Variants in NPHP4 observed in about 807,000 individuals in gnomAD.
The protein encoded by NPHP4 is nephrocystin-4.
In NPHP4, 151 loss-of-function variants were observed where a neutral mutation model predicts 155.8. The ratio of observed to expected loss-of-function variants is 0.97; its 90% CI spans 0.85 to 1.11. The LOEUF (loss-of-function observed/expected upper bound fraction) is 1.11. Ranked by LOEUF, NPHP4 falls within the 50% of genes least tolerant of loss-of-function variation. The probability of loss-of-function intolerance (pLI) is 0.00; values close to 1 mark genes in which losing one functional copy is unlikely to be tolerated. For missense variants in NPHP4, 1,956 were observed against 1,925.7 expected (o/e 1.02, Z -0.29); for synonymous variants, 845 against 816.8 (o/e 1.03, Z -0.59).
In NPHP4 at chr1:5,865,264, C is replaced by A; in HGVS notation, c.3654G>T (p.Trp1218Cys). 6.4e-7 allele frequency: 1 copy of A among 1,562,118 alleles called. No homozygotes were observed. The highest frequency in any genetic ancestry group is 8.7e-7 in the Non-Finnish European group (1 of 1,146,770). ...GCCACGTCTGTGTGGGTGTCGCCAG[C>A]CAGCGATCCCTGCAGTGGGATGGGA... is the stretch of plus-strand genomic sequence containing the variant. ...DFFVIIYSDR[W>C]LATPTQTWQV... Residue 1218 changes from tryptophan to cysteine, a missense_variant, in exon 27 of 30, where the codon TGG becomes TGT. Trp to Cys is a radical substitution (Grantham distance 215). Coordinates refer to ENST00000378156, the MANE Select transcript of NPHP4 (RefSeq NM_015102.5).
chr1:5,967,078 T>C (rs1005986965), intron 5 of NPHP4, among the ~76,000 whole-genome samples: 1 of 152,186 alleles, frequency 6.6e-6, no homozygotes, highest in African/African-American at 2.4e-5. Context: ...CCCGTGCTCA[T>C]CCCCACAAAC....
chr1:5,991,945 GGGGGC>G (rs1656424267), intron 1 of NPHP4, among the ~76,000 whole-genome samples: 1 of 147,560 alleles, frequency 6.8e-6, no homozygotes, highest in Non-Finnish European at 1.5e-5. Context: ...GCAGGGGGCA[GGGGGC>G]AGGGGGCAAA....
At chr1:5,899,044 A>G (rs1644538684) in intron 16 of NPHP4, among the ~76,000 whole-genome samples, 1 of 152,208 alleles carries the variant, frequency 6.6e-6, no homozygotes. Flanking sequence ...GTGACTGGCG[A>G]GGACATGGCG....
At chr1:5,976,005 G>A (rs1288699935) in intron 3 of NPHP4, among the ~76,000 whole-genome samples, 2 of 152,192 alleles carry the variant, frequency 1.3e-5, no homozygotes, top group Admixed American at 1.3e-4. Flanking sequence ...GGGGTTGAGG[G>A]AGGAGGAGGG....
chr1:5,940,641 A>T (rs1426542154), intron 9 of NPHP4, among the ~76,000 whole-genome samples: 1 of 152,222 alleles, frequency 6.6e-6, no homozygotes, highest in Non-Finnish European at 1.5e-5. Context: ...AAAACAAAAT[A>T]AAAACACAGT....
rs573873423 is a variant in NPHP4 at position 5,890,330 on chromosome 1, G to A, written c.2304+538C>T. Among the ~76,000 whole-genome samples the A allele has an allele frequency of 6.6e-6, 1 of 152,288 alleles. No homozygotes were observed. Among genetic ancestry groups the A allele is most frequent in the East Asian group, 1.9e-4 (1 of 5,182 alleles). ...GGGTCCCCTTCATACAATGGAGAAGGCTTGGGAAGAATTCCAGGGAAGACG... is the reference window on the plus strand; with the variant it reads ...GGGTCCCCTTCATACAATGGAGAAGACTTGGGAAGAATTCCAGGGAAGACG... On this transcript the variant is annotated intron_variant, in intron 17 of 29. Transcript: ENST00000378156. This position sits in a 1 kb window ranked among gnomAD's most constrained non-coding sequence, Gnocchi z 4.9.
intron 4 of NPHP4, among the ~76,000 whole-genome samples, chr1:5,968,199 A>C (rs1454981968): frequency 6.6e-6 from 1 of 152,148 alleles, no homozygotes; most frequent in Non-Finnish European, 1.5e-5. Flanking sequence ...ACAGAGAATC[A>C]GTGCTAGAGT....
intron 3 of NPHP4, among the ~76,000 whole-genome samples, chr1:5,976,871 T>C (rs1043383091): frequency 2.0e-5 from 3 of 152,112 alleles, no homozygotes; most frequent in African/African-American, 7.2e-5. Flanking sequence ...GTGGGGGTGC[T>C]GACTGGCCAG....
chr1:5,943,480 T>A (rs189718449), intron 9 of NPHP4, among the ~76,000 whole-genome samples: 9 of 152,272 alleles, frequency 5.9e-5, no homozygotes, highest in Admixed American at 5.9e-4. Flanking sequence ...TGCCTCCTGA[T>A]CTGATGCATG....
chr1:5,978,303 C>T lies in NPHP4; in HGVS notation c.246G>A (p.Thr82=), dbSNP rs1341869567. The T allele has an allele frequency of 2.5e-6, 4 of 1,608,670 alleles. No individual in the cohort carries two copies. The highest frequency in any genetic ancestry group is 1.7e-5 in the Admixed American group (1 of 59,252). ...GRTWKTTVKP[T]KRPPSRIVFN... is the part of the protein sequence containing the mutation. ...AGACGATCCTGGACGGCGGTCTCTT[C>T]GTCGGCTTCACTGTGGTTTTCCACG... Residue 82 remains threonine (T), a synonymous_variant, in exon 3 of 30, where the codon ACG becomes ACA. Coordinates refer to ENST00000378156, the MANE Select transcript of NPHP4 (RefSeq NM_015102.5).
chr1:5,911,979 G>C (rs539588486), intron 11 of NPHP4, among the ~76,000 whole-genome samples: 1 of 152,344 alleles, frequency 6.6e-6, no homozygotes, highest in South Asian at 2.1e-4. Flanking sequence ...TGGCTGACAA[G>C]CACCTGGGCC....
At chr1:5,906,142 C>T (rs1644905377) in intron 13 of NPHP4, among the ~76,000 whole-genome samples, 1 of 152,198 alleles carries the variant, frequency 6.6e-6, no homozygotes, top group African/African-American at 2.4e-5. Context: ...AGATACCTGA[C>T]ACCTGAGATG....
chr1:5,935,005 G>C (rs1013420818), intron 9 of NPHP4, among the ~76,000 whole-genome samples: 2 of 152,160 alleles, frequency 1.3e-5, no homozygotes, highest in Admixed American at 6.5e-5. Flanking sequence ...GCATGCATGC[G>C]TGCTCTCAAG....
In NPHP4 at chr1:5,864,423, T is replaced by G. The variant is rs115488133; in HGVS notation, c.3911A>C (p.His1304Pro). Residue 1304 changes from histidine to proline, a missense_variant, in exon 28 of 30, where the codon CAT (histidine) becomes CCT (proline). By Grantham distance (77) the His-to-Pro change is moderately conservative (BLOSUM62 -2). Transcript: ENST00000378156. ...GCAATCCACGTCCACCAGGTTGAGATGGACAAAGCGGCTGCCGGCCCTAAG... is the reference window on the plus strand; with the variant it reads ...GCAATCCACGTCCACCAGGTTGAGAGGGACAAAGCGGCTGCCGGCCCTAAG... ...RPLRAGSRFV[H>P]LNLVDVDCHQ... is the part of the protein sequence containing the mutation. 2 of 1,611,438 alleles carry G rather than the reference T, an allele frequency of 1.2e-6. No homozygotes were observed. The highest frequency in any genetic ancestry group is 8.5e-7 in the Non-Finnish European group (1 of 1,179,080).
intron 23 of NPHP4, among the ~76,000 whole-genome samples, chr1:5,869,017 ACAC>A (rs1160760673): frequency 7.2e-6 from 1 of 139,090 alleles, no homozygotes; most frequent in Admixed American, 7.2e-5. Flanking sequence ...CCATACACAC[ACAC>A]ATGCACACAC....
At chr1:5,887,181 TG>T in intron 18 of NPHP4, 104 bp downstream of exon 18, 1 of 1,092,912 alleles carries the variant, frequency 9.1e-7, no homozygotes, top group Non-Finnish European at 1.3e-6. Context: ...GGTTTCCTCC[TG>T]GGCCCGTGAA....
chr1:5,922,438 T>C (rs1001898757), intron 11 of NPHP4, among the ~76,000 whole-genome samples: 1 of 152,272 alleles, frequency 6.6e-6, no homozygotes, highest in African/African-American at 2.4e-5. Context: ...TCTGTATCAA[T>C]GCTATACTTG....
At chr1:5,983,517 T>C (rs971923970) in intron 2 of NPHP4, among the ~76,000 whole-genome samples, 1 of 152,238 alleles carries the variant, frequency 6.6e-6, no homozygotes, top group South Asian at 2.1e-4. Context: ...AAACGCATCC[T>C]GTGTGACTCA....
At chr1:5,903,979 G>A (rs1644794494) in intron 16 of NPHP4, among the ~76,000 whole-genome samples, 1 of 152,160 alleles carries the variant, frequency 6.6e-6, no homozygotes, top group African/African-American at 2.4e-5. Flanking sequence ...ATCTAATCAT[G>A]CATCTAGATC....
Sources: allele counts gnomAD v4.1 joint callset (sites outside exome capture counted in the v4.1 genomes callset), GRCh38; gene constraint gnomAD v4.1.1; non-coding constraint Gnocchi (gnomAD v3.1); transcripts MANE v1.5; gene names NCBI Gene and HGNC (gene_info 2026-07-23, HGNC 2026-07-21).